COL11A1: variants seen among roughly 807,000 people sequenced by gnomAD.
The protein encoded by COL11A1 is collagen type XI alpha 1 chain, also known as collagen alpha-1(XI) chain.
COL11A1 carries 74 observed loss-of-function variants against 265.2 expected under a neutral mutation model. The observed-to-expected ratio is 0.28, with a 90% confidence interval of 0.23 to 0.34. COL11A1 has a LOEUF of 0.34. Ranked by LOEUF, COL11A1 falls within the 10% of genes least tolerant of loss-of-function variation. The pLI, the probability that COL11A1 is intolerant of heterozygous loss-of-function variation, is 1.00. For missense variants in COL11A1, 2,165 were observed against 2,263.6 expected (o/e 0.96, Z 0.88); for synonymous variants, 816 against 727.6 (o/e 1.12, Z -1.96).
chr1:103,028,244 G>A (rs1557967789), intron 5 of COL11A1, among the ~76,000 whole-genome samples: 4 of 152,058 alleles, frequency 2.6e-5, no homozygotes, highest in Admixed American at 2.6e-4. Flanking sequence ...AAGTTGGCCA[G>A]GCTGCTCTTG....
At chr1:102,893,449 C>T (rs1439922099) in intron 57 of COL11A1, among the ~76,000 whole-genome samples, 7 of 152,058 alleles carry the variant, frequency 4.6e-5, no homozygotes, top group Admixed American at 6.6e-5. Flanking sequence ...ATATCGAGAG[C>T]AGTTATAAAT....
At chr1:102,956,721 A>T (rs1660403046) in intron 41 of COL11A1, among the ~76,000 whole-genome samples, 1 of 151,922 alleles carries the variant, frequency 6.6e-6, no homozygotes, top group Admixed American at 6.6e-5. Flanking sequence ...ATAATAGAAA[A>T]TATTAAAGTA....
At chr1:102,909,521 T>C (rs1397140274) in intron 54 of COL11A1, among the ~76,000 whole-genome samples, 1 of 152,144 alleles carries the variant, frequency 6.6e-6, no homozygotes. Context: ...TATATTTTCA[T>C]TAATATACTA....
intron 13 of COL11A1, among the ~76,000 whole-genome samples, chr1:103,013,757 C>A (rs1193757860): frequency 6.6e-6 from 1 of 151,756 alleles, no homozygotes; most frequent in Non-Finnish European, 1.5e-5. Context: ...AAGTGGGTAA[C>A]CATATCCATA....
At chr1:103,080,885 T>C (rs1672359191) in intron 2 of COL11A1, among the ~76,000 whole-genome samples, 1 of 151,858 alleles carries the variant, frequency 6.6e-6, no homozygotes, top group Non-Finnish European at 1.5e-5. Flanking sequence ...ACCCTACTAC[T>C]GGGTATATGT....
intron 42 of COL11A1, among the ~76,000 whole-genome samples, chr1:102,941,608 C>A (rs527499445): frequency 1.3e-5 from 2 of 152,254 alleles, no homozygotes; most frequent in South Asian, 2.1e-4. Context: ...ATTGCCTGAG[C>A]ACATTTTTTT....
At position 103,045,513 on chromosome 1, in the gene COL11A1, A is replaced by T. The variant is rs371581145; in HGVS notation, c.652-14269T>A. On this transcript the variant is annotated intron_variant, in intron 4 of 66. Transcript: ENST00000370096. Reference sequence around the variant, plus strand: ...TGCCACTCTTCTAAGAACTATATACAGTCAAATCATAAACAGAAATAGAGT... The same window carrying T: ...TGCCACTCTTCTAAGAACTATATACTGTCAAATCATAAACAGAAATAGAGT... Among the ~76,000 whole-genome samples, 4 of 152,202 alleles carry T rather than the reference A, an allele frequency of 2.6e-5. No homozygotes were observed. The East Asian group carries it at 7.7e-4, about 29-fold the overall frequency.
At position 103,074,800 on chromosome 1, in the gene COL11A1, C is replaced by A. The variant is rs776033693; in HGVS notation, c.489-20G>T. The stretch of plus-strand genomic sequence containing the variant: ...TGCCACCTAAAAAAGACAAGTAATT[C>A]TTTTGTAAGCTTCAAAGAAACAGTG... On this transcript the variant is annotated intron_variant, in intron 3 of 66. Transcript: ENST00000370096. 5.6e-6 allele frequency: 9 copies of A among 1,612,172 alleles called. No individual in the cohort carries two copies. The East Asian group carries it at 1.3e-4, about 24-fold the overall frequency.
At position 102,970,916 on chromosome 1, in the gene COL11A1, A is replaced by T. The variant is rs573898180; in HGVS notation, c.2809-644T>A. On this transcript the variant is annotated intron_variant, in intron 36 of 66. Coordinates refer to ENST00000370096, the MANE Select transcript of COL11A1 (RefSeq NM_001854.4). ...GTAGTCGCAGCTACTCGGGAGGCTG[A>T]GGCAGGGGAATCCCTTGAACCTGGG... Among the ~76,000 whole-genome samples, 250 of 152,264 alleles carry T rather than the reference A, an allele frequency of 1.6e-3. 1 individual carries two copies. Among genetic ancestry groups the T allele is most frequent in the Middle Eastern group, 0.01 (3 of 294 alleles).
intron 41 of COL11A1, among the ~76,000 whole-genome samples, chr1:102,947,608 AT>A (rs1007631399): frequency 6.6e-6 from 1 of 151,812 alleles, no homozygotes; most frequent in African/African-American, 2.4e-5. Flanking sequence ...AGGTTTTTTA[AT>A]TTTTTTTAAC....
intron 46 of COL11A1, among the ~76,000 whole-genome samples, chr1:102,927,351 A>G (rs1195889003): frequency 2.6e-5 from 4 of 152,152 alleles, no homozygotes; most frequent in Non-Finnish European, 5.9e-5. Context: ...AGAATAAGCA[A>G]GTGGAAGAAA....
chr1:102,901,204 C>T (rs538983392), intron 54 of COL11A1, among the ~76,000 whole-genome samples: 16 of 151,902 alleles, frequency 1.1e-4, no homozygotes, highest in African/African-American at 3.9e-4. Flanking sequence ...CCTGTAATCC[C>T]AGCTACTCGG....
intron 7 of COL11A1, among the ~76,000 whole-genome samples, chr1:103,023,892 G>A (rs12729588): frequency 0.079 from 12,035 of 151,836 alleles, 533 homozygotes; most frequent in Middle Eastern, 0.15. Flanking sequence ...GCAACATTTA[G>A]GACAATGAAA....
chr1:102,889,771 G>C (rs549278423), intron 58 of COL11A1, among the ~76,000 whole-genome samples: 3 of 152,052 alleles, frequency 2.0e-5, no homozygotes, highest in African/African-American at 7.2e-5. Flanking sequence ...CTTTAAGTGA[G>C]GGCTTTATTA....
chr1:102,935,906 G>A (rs1389867541), intron 44 of COL11A1, among the ~76,000 whole-genome samples: 1 of 152,086 alleles, frequency 6.6e-6, no homozygotes, highest in Admixed American at 6.6e-5. Flanking sequence ...CATAACAACA[G>A]TAAGGCATTT....
At chr1:102,942,692 A>T (rs1022698506) in intron 42 of COL11A1, among the ~76,000 whole-genome samples, 1 of 152,042 alleles carries the variant, frequency 6.6e-6, no homozygotes, top group African/African-American at 2.4e-5. Context: ...CAATTCACAA[A>T]ATCCATCACT....
chr1:102,931,545 G>A (rs1353170832), intron 46 of COL11A1, among the ~76,000 whole-genome samples: 2 of 152,122 alleles, frequency 1.3e-5, no homozygotes, highest in Non-Finnish European at 2.9e-5. Context: ...GGTGTTTTGT[G>A]GTGCTGAAAA....
chr1:102,990,559 C>A (rs2101757015), intron 28 of COL11A1, among the ~76,000 whole-genome samples: 1 of 152,034 alleles, frequency 6.6e-6, no homozygotes, highest in East Asian at 1.9e-4. Context: ...TATTTTCTAT[C>A]ATTCTTATTG....
At chr1:102,913,116 G>T (rs747747957) in intron 53 of COL11A1, among the ~76,000 whole-genome samples, 1 of 152,096 alleles carries the variant, frequency 6.6e-6, no homozygotes, top group Non-Finnish European at 1.5e-5. Context: ...TGTGTTGAGG[G>T]ACCATTGTCT....
Sources: allele counts gnomAD v4.1 joint callset (sites outside exome capture counted in the v4.1 genomes callset), GRCh38; gene constraint gnomAD v4.1.1; transcripts MANE v1.5; gene names NCBI Gene and HGNC (gene_info 2026-07-23, HGNC 2026-07-21).